Variants in TAB3 observed in about 807,000 individuals in gnomAD.
The protein encoded by TAB3 is TGF-beta-activated kinase 1 and MAP3K7-binding protein 3.
TAB3 carries 18 observed loss-of-function variants against 48.1 expected under a neutral mutation model. The observed-to-expected ratio is 0.37, with a 90% CI of 0.26 to 0.55. The LOEUF (loss-of-function observed/expected upper bound fraction) is 0.55. TAB3 is among the 20% of genes least tolerant of loss of function. TAB3 has a pLI of 0.78. For missense variants in TAB3, 414 were observed against 549.8 expected, an observed-to-expected ratio of 0.75 and a Z score of 2.47; for synonymous variants, 185 against 190.2, an observed-to-expected ratio of 0.97 and a Z score of 0.22.
intron 9 of TAB3, chrX:30,835,778 C>G (rs1366417262): frequency 8.9e-6 from 1 of 112,647 alleles, no homozygotes; most frequent in African/African-American, 3.2e-5. Context: ...CTTTCTCTCT[C>G]TTTCCTTCTG....
intron 7 of TAB3, among the ~76,000 whole-genome samples, chrX:30,850,167 T>C (rs1938783727): frequency 9.0e-6 from 1 of 111,332 alleles, no homozygotes; most frequent in Non-Finnish European, 1.9e-5. Flanking sequence ...CCACGTACTG[T>C]CCCTCTGCTG....
chrX:30,854,045 G>A (rs1327200448), intron 6 of TAB3, 71 bp downstream of exon 6: 9 of 1,041,719 alleles, frequency 8.6e-6, no homozygotes, highest in Non-Finnish European at 1.2e-5. Context: ...AAACTAAACA[G>A]CTAATATATT....
chrX:30,840,568 G>C (rs976627526), intron 9 of TAB3, among the ~76,000 whole-genome samples: 18 of 111,128 alleles, frequency 1.6e-4, no homozygotes, highest in African/African-American at 3.6e-4. Context: ...GAGGGGCCTG[G>C]TGGGAGGTAA....
rs754226896 is a variant in TAB3 at position 30,854,879 on chromosome X, G to A, written c.786C>T (p.Ser262=). 1 of 1,210,761 alleles carries A rather than the reference G, an allele frequency of 8.3e-7. No homozygotes were observed. Among genetic ancestry groups the A allele is most frequent in the Non-Finnish European group, 1.1e-6 (1 of 895,001 alleles). The part of the protein sequence containing the change: ...SSPQGPVPHY[S]QRPLPVYPHQ... ...GTGGATAAACAGGTAAAGGACGCTG[G>A]CTATAGTGAGGCACTGGGCCCTGTG... Residue 262 remains serine, a synonymous_variant, in exon 6 of 11, where the codon AGC becomes AGT. Coordinates refer to ENST00000288422, the MANE Select transcript of TAB3 (RefSeq NM_152787.5).
At chrX:30,834,713 T>C (rs1383551373) in intron 9 of TAB3, 1 of 111,034 alleles carries the variant, frequency 9.0e-6, no homozygotes, top group Non-Finnish European at 1.9e-5. Context: ...CTTGATCTCC[T>C]GGGCTCAAGT....
chrX:30,875,670 C>T (rs990928989), intron 1 of TAB3, among the ~76,000 whole-genome samples: 9 of 112,082 alleles, frequency 8.0e-5, no homozygotes, highest in South Asian at 3.6e-4. Flanking sequence ...TCATTCCAGA[C>T]GTAGCTGAAA....
chrX:30,868,406 TTA>T lies in TAB3; in HGVS notation c.-279-859_-279-858del, dbSNP rs1461124002. 3.5e-4 allele frequency among the ~76,000 whole-genome samples: 9 copies of T among 25,730 alleles called. 1 individual carries two copies. Among genetic ancestry groups the T allele is most frequent in the African/African-American group, 1.1e-3 (5 of 4,424 alleles). 22.3% of individuals were successfully genotyped at this position (25,730 alleles called of 115,157 possible). A position where few individuals can be genotyped will look rare whatever the true frequency, so the allele number is the denominator to read the frequency against. On this transcript the variant is annotated intron_variant, in intron 2 of 10. Coordinates refer to ENST00000288422, the MANE Select transcript of TAB3 (RefSeq NM_152787.5). The stretch of plus-strand genomic sequence containing the variant: ...TATAGCTTATATATATATATATAGC[TTA>T]TATATATATAGCTTATATATATATA...
intron 9 of TAB3, chrX:30,836,188 TA>T (rs1176015960): frequency 8.9e-6 from 1 of 111,956 alleles, no homozygotes; most frequent in African/African-American, 3.2e-5. Context: ...CAGAAGAAGA[TA>T]AAAAACGGGT....
In TAB3 at chrX:30,865,809, A is replaced by G. The variant is rs184452194; in HGVS notation, c.-91+1306T>C. Among the ~76,000 whole-genome samples the G allele has an allele frequency of 3.3e-4, 37 of 112,500 alleles. No homozygotes were observed. In the East Asian group the frequency reaches 8.9e-3, roughly 27 times the overall value. On this transcript the variant is annotated intron_variant, in intron 4 of 10. Coordinates refer to ENST00000288422, the MANE Select transcript of TAB3 (RefSeq NM_152787.5). ...AAGCAAACCTTGCTTTTAAAACAGA[A>G]GAGTTTTTGTACTACAGTGTGAATT... is the stretch of plus-strand genomic sequence containing the variant.
chrX:30,858,367 G>A (rs1939140324), intron 5 of TAB3, among the ~76,000 whole-genome samples: 1 of 111,640 alleles, frequency 9.0e-6, no homozygotes, highest in Non-Finnish European at 1.9e-5. Flanking sequence ...CCAAAATGGG[G>A]CCAAAGTAAA....
chrX:30,833,691 C>T (rs147616296), intron 10 of TAB3, among the ~76,000 whole-genome samples: 1,375 of 109,187 alleles, frequency 0.013, 17 homozygotes, highest in African/African-American at 0.04. Context: ...ATTAGCCGGG[C>T]GTGGTGGCAG....
At chrX:30,871,902 AAGC>A (rs1230463261) in intron 1 of TAB3, 101 bp from the exon 2 acceptor site, 1 of 112,286 alleles carries the variant, frequency 8.9e-6, no homozygotes, top group Non-Finnish European at 1.9e-5. Flanking sequence ...GGTCATGAAA[AAGC>A]AGGCAGCCAT....
At chrX:30,874,181 A>G (rs950829616) in intron 1 of TAB3, among the ~76,000 whole-genome samples, 2 of 111,571 alleles carry the variant, frequency 1.8e-5, no homozygotes, top group Non-Finnish European at 3.8e-5. Context: ...CAAAACAACA[A>G]TAACAACAAC....
intron 9 of TAB3, among the ~76,000 whole-genome samples, chrX:30,841,946 T>C (rs1938459384): frequency 8.9e-6 from 1 of 111,861 alleles, no homozygotes; most frequent in South Asian, 3.7e-4. Flanking sequence ...GTAGCTGGGA[T>C]TACAGGCGCG....
At position 30,854,469 on chromosome X, in the gene TAB3, A is replaced by C. The variant is rs1378562965; in HGVS notation, c.1196T>G (p.Leu399Arg). ...NQPSPRNQHS[L>R]YTATTPPSSS... The stretch of plus-strand genomic sequence containing the variant: ...TGAAGGTGGCGTGGTGGCTGTGTAC[A>C]GTGAGTGTTGATTCCGTGGAGATGG... Residue 399 changes from leucine to arginine, a missense_variant, in exon 6 of 11, where the codon CTG (leucine) becomes CGG (arginine). By Grantham distance (102) the Leu-to-Arg change is moderately radical. Transcript: ENST00000288422. 8.3e-7 allele frequency: 1 copy of C among 1,209,679 alleles called. No homozygotes were observed. Among genetic ancestry groups the C allele is most frequent in the Non-Finnish European group, 1.1e-6 (1 of 895,129 alleles).
Position 30,864,803 on chromosome X carries a change from G to GT in TAB3, c.-91+2311dup, listed in dbSNP as rs35078525. 5.0e-3 allele frequency among the ~76,000 whole-genome samples: 461 copies of GT among 91,754 alleles called. 6 individuals carry two copies. The highest frequency in any genetic ancestry group is 0.016 in the African/African-American group (432 of 27,635). 79.7% of individuals were successfully genotyped at this position (91,754 alleles called of 115,157 possible). ...GCCATCACAGTGTGTGTGTGTGTGTGTTTTTTTTTTAAAGTTGAGCTACAT... is the reference window on the plus strand; with the variant it reads ...GCCATCACAGTGTGTGTGTGTGTGTGTTTTTTTTTTTAAAGTTGAGCTACAT... On this transcript the variant is annotated intron_variant, in intron 4 of 10. Coordinates refer to ENST00000288422, the MANE Select transcript of TAB3 (RefSeq NM_152787.5).
At chrX:30,832,652 T>C (rs1156745423) in intron 10 of TAB3, among the ~76,000 whole-genome samples, 2 of 112,267 alleles carry the variant, frequency 1.8e-5, no homozygotes, top group African/African-American at 6.5e-5. Flanking sequence ...CCCCAAGAGA[T>C]AAGGAGAACT....
At chrX:30,858,529 A>T (rs193295993) in intron 5 of TAB3, among the ~76,000 whole-genome samples, 1 of 111,934 alleles carries the variant, frequency 8.9e-6, no homozygotes, top group African/African-American at 3.2e-5. Flanking sequence ...CTCTATTTTT[A>T]ATTAACCACA....
Position 30,839,399 on chromosome X carries a change from A to ATCT in TAB3, c.1888+3566_1888+3567insAGA, listed in dbSNP as rs200022374. Among the ~76,000 whole-genome samples, 944 of 112,240 alleles carry ATCT rather than the reference A, an allele frequency of 8.4e-3. 5 individuals are homozygous for ATCT. The highest frequency in any genetic ancestry group is 0.029 in the African/African-American group (890 of 30,887). The stretch of plus-strand genomic sequence containing the variant: ...TTTATATAGTGACTATAAGTCAATG[A>ATCT]GATAGAAAACAGAATTATGGATTTT... On this transcript the variant is annotated intron_variant, in intron 9 of 10. Coordinates refer to ENST00000288422, the MANE Select transcript of TAB3 (RefSeq NM_152787.5).
Sources: allele counts gnomAD v4.1 joint callset (sites outside exome capture counted in the v4.1 genomes callset), GRCh38; gene constraint gnomAD v4.1.1; transcripts MANE v1.5; gene names NCBI Gene and HGNC (gene_info 2026-07-23, HGNC 2026-07-21).